Variants in CHCHD3 observed in about 807,000 individuals in gnomAD.
The protein encoded by CHCHD3 is MICOS complex subunit MIC19.
CHCHD3 carries 20 observed loss-of-function variants against 38.2 expected under a neutral mutation model. The observed-to-expected ratio is 0.52, with a 90% confidence interval of 0.37 to 0.76. The LOEUF is 0.76. Among genes scored for constraint, CHCHD3 ranks in the 30% least tolerant of loss-of-function variants. The probability of loss-of-function intolerance (pLI) is 0.00; values close to 1 mark genes in which losing one functional copy is unlikely to be tolerated. For synonymous variants in CHCHD3, 82 were observed against 100.0 expected (o/e 0.82, Z 1.07); for missense variants, 245 against 279.2 (o/e 0.88, Z 0.87).
At chr7:132,868,256 A>G (rs1172822178) in intron 5 of CHCHD3, among the ~76,000 whole-genome samples, 4 of 152,226 alleles carry the variant, frequency 2.6e-5, no homozygotes, top group Non-Finnish European at 1.5e-5. Context: ...GGAGGAACAT[A>G]AAAATAAATT....
At chr7:132,850,187 G>A (rs567693638) in intron 5 of CHCHD3, among the ~76,000 whole-genome samples, 1 of 152,178 alleles carries the variant, frequency 6.6e-6, no homozygotes, top group East Asian at 1.9e-4. Context: ...ACAAAGAACA[G>A]GAAGAATTAA....
intron 3 of CHCHD3, among the ~76,000 whole-genome samples, chr7:133,018,317 G>A (rs1049416445): frequency 1.2e-4 from 18 of 152,166 alleles, no homozygotes; most frequent in African/African-American, 3.6e-4. Context: ...GCTGTGTGTC[G>A]CTGAAGAGCT....
chr7:132,851,573 G>A (rs1808220315), intron 5 of CHCHD3, among the ~76,000 whole-genome samples: 1 of 152,124 alleles, frequency 6.6e-6, no homozygotes, highest in Non-Finnish European at 1.5e-5. Flanking sequence ...ATGGTTGTAT[G>A]TCTCATTGTT....
rs886977968 is a variant in CHCHD3 at position 133,054,342 on chromosome 7, T to C, written c.169+15800A>G. ...ACAGAGAGAATGAGGTCATTCTGCA[T>C]AGGCTCACAAGAATTCCCTCTCACA... On this transcript the variant is annotated intron_variant, in intron 2 of 7. Transcript: ENST00000262570. Among the ~76,000 whole-genome samples the C allele has an allele frequency of 2.0e-5, 3 of 152,310 alleles. No individual in the cohort carries two copies. In the East Asian group the frequency reaches 5.8e-4, roughly 29 times the overall value.
At chr7:132,952,237 C>T (rs1333493149) in intron 4 of CHCHD3, among the ~76,000 whole-genome samples, 1 of 152,152 alleles carries the variant, frequency 6.6e-6, no homozygotes, top group Non-Finnish European at 1.5e-5. Context: ...GAGGGTTAAG[C>T]ATTAGAATGG....
At chr7:133,074,312 G>A (rs1814913568) in intron 1 of CHCHD3, among the ~76,000 whole-genome samples, 1 of 152,128 alleles carries the variant, frequency 6.6e-6, no homozygotes, top group Non-Finnish European at 1.5e-5. Flanking sequence ...ATGGAAAAGG[G>A]AAAGGCTACA....
intron 3 of CHCHD3, among the ~76,000 whole-genome samples, chr7:132,989,922 G>C (rs1333741507): frequency 6.6e-6 from 1 of 152,104 alleles, no homozygotes; most frequent in Non-Finnish European, 1.5e-5. Context: ...GGTGAATAAT[G>C]GTGGGAATGG....
chr7:132,975,782 T>C (rs969657316), intron 3 of CHCHD3, among the ~76,000 whole-genome samples: 7 of 151,986 alleles, frequency 4.6e-5, no homozygotes, highest in Non-Finnish European at 1.0e-4. Flanking sequence ...AATACAAAAC[T>C]TCGCTGGGCG....
At chr7:132,979,438 C>T (rs1811860113) in intron 3 of CHCHD3, among the ~76,000 whole-genome samples, 1 of 152,184 alleles carries the variant, frequency 6.6e-6, no homozygotes, top group Non-Finnish European at 1.5e-5. Context: ...ACAGTCCCTA[C>T]TTTCATGAGC....
intron 5 of CHCHD3, among the ~76,000 whole-genome samples, chr7:132,864,541 T>C (rs762236220): frequency 3.3e-5 from 5 of 152,090 alleles, no homozygotes; most frequent in Non-Finnish European, 7.4e-5. Flanking sequence ...TTGGGAAAAA[T>C]GGCACTAATC....
At position 133,082,018 on chromosome 7, in the gene CHCHD3, G is replaced by A. The variant is rs1220505219; in HGVS notation, c.-81C>T. On this transcript the variant is annotated 5_prime_UTR_variant, in exon 1 of 8. Coordinates refer to ENST00000262570, the MANE Select transcript of CHCHD3 (RefSeq NM_017812.4). Reference sequence around the variant, plus strand: ...CCCCCGCACCCACACGCGCGTGGAAGGGCCTGGATTCTTTTCCCGCACAGC... The same window carrying A: ...CCCCCGCACCCACACGCGCGTGGAAAGGCCTGGATTCTTTTCCCGCACAGC... The A allele has an allele frequency of 8.7e-6, 11 of 1,267,538 alleles. 1 individual carries two copies. In the South Asian group the frequency reaches 1.1e-4, roughly 12 times the overall value. The allele number at this position is 1,267,538 out of a possible 1,614,324, so 78.5% of individuals were successfully genotyped here.
At chr7:133,047,052 T>C (rs2117492196) in intron 2 of CHCHD3, among the ~76,000 whole-genome samples, 1 of 152,272 alleles carries the variant, frequency 6.6e-6, no homozygotes, top group East Asian at 1.9e-4. Context: ...ATAGCCTCGG[T>C]TTCTTCGTTC....
At chr7:132,983,830 A>G (rs1383386398) in intron 3 of CHCHD3, among the ~76,000 whole-genome samples, 2 of 152,248 alleles carry the variant, frequency 1.3e-5, no homozygotes, top group African/African-American at 4.8e-5. Context: ...TGAATCCAGC[A>G]TAAGGACTGT....
chr7:132,915,244 T>C (rs965086936), intron 4 of CHCHD3, among the ~76,000 whole-genome samples: 1 of 152,030 alleles, frequency 6.6e-6, no homozygotes, highest in African/African-American at 2.4e-5. Flanking sequence ...TTTCGAGCTA[T>C]GGTAAGGAGG....
At chr7:132,834,564 C>T (rs568940966) in intron 6 of CHCHD3, among the ~76,000 whole-genome samples, 1 of 152,180 alleles carries the variant, frequency 6.6e-6, no homozygotes, top group African/African-American at 2.4e-5. Flanking sequence ...CCAAACCAGC[C>T]AAAATTCAAT....
At chr7:133,055,582 A>C (rs1379987424) in intron 2 of CHCHD3, among the ~76,000 whole-genome samples, 3 of 147,338 alleles carry the variant, frequency 2.0e-5, no homozygotes, top group Non-Finnish European at 4.5e-5. Context: ...TAATTCTAAT[A>C]TAATTGTGTT....
chr7:133,030,165 A>G (rs1328147204), intron 2 of CHCHD3, among the ~76,000 whole-genome samples: 1 of 152,254 alleles, frequency 6.6e-6, no homozygotes, highest in Non-Finnish European at 1.5e-5. Flanking sequence ...ATCAAAGCAC[A>G]GCCAGGAAAA....
At chr7:132,996,544 G>T (rs1812421782) in intron 3 of CHCHD3, among the ~76,000 whole-genome samples, 1 of 152,104 alleles carries the variant, frequency 6.6e-6, no homozygotes, top group Admixed American at 6.5e-5. Context: ...ATGAAAAGAG[G>T]TTTATGTTAG....
chr7:132,903,517 C>A (rs1054227049), intron 4 of CHCHD3, among the ~76,000 whole-genome samples: 1 of 152,106 alleles, frequency 6.6e-6, no homozygotes, highest in African/African-American at 2.4e-5. Context: ...AGAGCTGTCT[C>A]ATGAACACAG....
Sources: gnomAD v4.1 joint callset for allele counts (sites outside exome capture counted in the v4.1 genomes callset) on GRCh38, gnomAD v4.1.1 for gene constraint, MANE v1.5 for transcripts, NCBI Gene and HGNC (gene_info 2026-07-23, HGNC 2026-07-21) for gene names.